Variants in CALD1 observed in about 807,000 individuals in gnomAD.
CALD1 encodes the protein caldesmon 1, also known as caldesmon.
CALD1 carries 33 observed loss-of-function variants against 99.9 expected under a neutral mutation model. The ratio of observed to expected loss-of-function variants is 0.33; its 90% CI spans 0.25 to 0.44. The LOEUF is 0.44. Ranked by LOEUF, CALD1 falls within the 20% of genes least tolerant of loss-of-function variation. The probability of loss-of-function intolerance (pLI) is 1.00; values close to 1 mark genes in which losing one functional copy is unlikely to be tolerated. For missense variants in CALD1, 861 were observed against 962.1 expected, an observed-to-expected ratio of 0.89 and a Z score of 1.39; for synonymous variants, 310 against 325.0, an observed-to-expected ratio of 0.95 and a Z score of 0.50.
chr7:134,951,103 G>C (rs989499852), intron 9 of CALD1, among the ~76,000 whole-genome samples: 3 of 152,158 alleles, frequency 2.0e-5, no homozygotes, highest in Non-Finnish European at 2.9e-5. Flanking sequence ...GAGAAAACAG[G>C]CTTCCTTAGG....
chr7:134,722,931 T>G, the CALD1 span, among the ~76,000 whole-genome samples: 10 of 152,184 alleles, frequency 6.6e-5, no homozygotes, highest in Non-Finnish European at 1.2e-4. Context: ...CCAGAGGCCT[T>G]TGTCAGAGAG....
chr7:134,867,615 G>A, intron 2 of CALD1, 78 bp from the exon 3 acceptor site: 1 of 522,656 alleles, frequency 1.9e-6, no homozygotes, highest in Non-Finnish European at 3.4e-6. Flanking sequence ...TGACAAATGG[G>A]AAAGAGGGCC....
chr7:134,731,687 T>C, the CALD1 span, among the ~76,000 whole-genome samples: 1 of 152,148 alleles, frequency 6.6e-6, no homozygotes, highest in Non-Finnish European at 1.5e-5. Context: ...ATATAAGTTT[T>C]TTCTAAGAAT....
chr7:134,736,048 TC>T, the CALD1 span, among the ~76,000 whole-genome samples: 2 of 152,176 alleles, frequency 1.3e-5, 1 homozygote, highest in South Asian at 4.1e-4. Flanking sequence ...AAAGGAAACA[TC>T]TTTTTCACAG....
chr7:134,745,834 G>C (rs569324605), intron 1 of CALD1, among the ~76,000 whole-genome samples: 1 of 152,258 alleles, frequency 6.6e-6, no homozygotes, highest in East Asian at 1.9e-4. Context: ...GTATGATGTG[G>C]CCTTAATAGA....
chr7:134,956,533 C>A (rs549265410), intron 9 of CALD1, among the ~76,000 whole-genome samples: 44 of 152,348 alleles, frequency 2.9e-4, no homozygotes, highest in Middle Eastern at 6.8e-3. Flanking sequence ...AGGTGGCCAT[C>A]TGCAAACCAT....
chr7:134,959,416 C>T (rs1347559231), intron 11 of CALD1, among the ~76,000 whole-genome samples: 11 of 152,082 alleles, frequency 7.2e-5, no homozygotes, highest in Admixed American at 5.2e-4. Context: ...TCATGCCTGT[C>T]GTCACAGCAC....
At chr7:134,915,545 T>A (rs1804143981) in intron 3 of CALD1, among the ~76,000 whole-genome samples, 1 of 152,218 alleles carries the variant, frequency 6.6e-6, no homozygotes, top group Non-Finnish European at 1.5e-5. Flanking sequence ...AATTGCCTTG[T>A]TGGGATAGAA....
chr7:134,715,167 T>C, the CALD1 span, among the ~76,000 whole-genome samples: 1 of 152,220 alleles, frequency 6.6e-6, no homozygotes, highest in African/African-American at 2.4e-5. Context: ...AAAGAAATTA[T>C]AATAAATACA....
rs1251213681 is a variant in CALD1, at chr7:134,933,288, G to A, written c.519G>A (p.Gln173=). The change falls in exon 5 of 15, where the codon CAG becomes CAA. Residue 173 remains glutamine (Q), a synonymous_variant. Transcript: ENST00000361675. The part of the protein sequence containing the change: ...EETETVTKSY[Q]KNDWRDAEEN... ...CAGAAACAGTCACCAAGTCCTACCAGAAGAATGATTGGAGGGATGCTGAAG... is the reference window on the plus strand; with the variant it reads ...CAGAAACAGTCACCAAGTCCTACCAAAAGAATGATTGGAGGGATGCTGAAG... The A allele has an allele frequency of 6.2e-7, 1 of 1,606,036 alleles. No homozygotes were observed. The highest frequency in any genetic ancestry group is 1.7e-5 in the Admixed American group (1 of 59,474).
chr7:134,858,019 A>G (rs1020966196), intron 2 of CALD1, among the ~76,000 whole-genome samples: 1 of 151,890 alleles, frequency 6.6e-6, no homozygotes, highest in Non-Finnish European at 1.5e-5. Context: ...GTATCACTAA[A>G]CTGGAAGTGT....
intron 3 of CALD1, among the ~76,000 whole-genome samples, chr7:134,911,002 A>C (rs1192180856): frequency 2.6e-5 from 4 of 152,196 alleles, no homozygotes; most frequent in Admixed American, 1.3e-4. Context: ...TGTGGCTAGT[A>C]ATTGCTTCTG....
intron 4 of CALD1, among the ~76,000 whole-genome samples, chr7:134,930,261 C>T (rs1039468518): frequency 1.5e-4 from 23 of 152,082 alleles, no homozygotes; most frequent in African/African-American, 3.6e-4. Context: ...GAAATAAGGT[C>T]ACATGGTTCA....
chr7:134,761,300 TC>T (rs1796774110), intron 1 of CALD1, among the ~76,000 whole-genome samples: 1 of 152,188 alleles, frequency 6.6e-6, no homozygotes, highest in African/African-American at 2.4e-5. Flanking sequence ...TTTAGTGTTT[TC>T]CTCTCTGCGC....
At chr7:134,775,727 A>G (rs921698219), upstream of CALD1, among the ~76,000 whole-genome samples, 6 of 152,246 alleles carry the variant, frequency 3.9e-5, no homozygotes, top group East Asian at 1.2e-3. Flanking sequence ...AAAAAAAAGA[A>G]AAGAATAATG....
At chr7:134,730,117 G>A in the CALD1 span, among the ~76,000 whole-genome samples, 1 of 152,028 alleles carries the variant, frequency 6.6e-6, no homozygotes, top group Admixed American at 6.5e-5. Flanking sequence ...CTGGGAGCCT[G>A]CCCCATTCAG....
rs189250859 is a variant in CALD1, at chr7:134,745,199, C to T, written c.-130+836C>T. On this transcript the variant is annotated intron_variant, in intron 1 of 13. Coordinates refer to the CALD1 transcript ENST00000417172. ...ACCAGAGAAGATAAAATTAAAACTC[C>T]ATTTAAAAAGTTAATCAAATAAATA... is the stretch of plus-strand genomic sequence containing the variant. Among the ~76,000 whole-genome samples the T allele has an allele frequency of 8.5e-5, 13 of 152,162 alleles. No homozygotes were observed. The East Asian group carries it at 2.1e-3, about 25-fold the overall frequency.
chr7:134,811,668 C>T (rs897593289), intron 1 of CALD1, among the ~76,000 whole-genome samples: 4 of 152,044 alleles, frequency 2.6e-5, no homozygotes, highest in Non-Finnish European at 5.9e-5. Flanking sequence ...TATTTACAAG[C>T]GATCTAGTAA....
the CALD1 span, among the ~76,000 whole-genome samples, chr7:134,734,741 CT>C: frequency 6.6e-6 from 1 of 152,166 alleles, no homozygotes; most frequent in Non-Finnish European, 1.5e-5. Flanking sequence ...TAAGATGTGA[CT>C]TTGCTCCTCC....
Sources: allele counts gnomAD v4.1 joint callset (sites outside exome capture counted in the v4.1 genomes callset), GRCh38; gene constraint gnomAD v4.1.1; transcripts MANE v1.5; gene names NCBI Gene and HGNC (gene_info 2026-07-23, HGNC 2026-07-21).